Variants in COG6 observed in about 807,000 individuals in gnomAD.
COG6 encodes the protein component of oligomeric golgi complex 6, also known as conserved oligomeric Golgi complex subunit 6.
Under a neutral mutation model 88.8 loss-of-function variants are expected in COG6, and 74 were observed. The ratio of observed to expected loss-of-function variants is 0.83; its 90% CI spans 0.69 to 1.01. The LOEUF is 1.01. Ranked by LOEUF, COG6 falls within the 50% of genes least tolerant of loss-of-function variation. COG6 has a pLI of 0.00. For missense variants in COG6, 800 were observed against 797.9 expected (o/e 1.00, Z -0.03); for synonymous variants, 286 against 278.7 (o/e 1.03, Z -0.26).
intron 18 of COG6, among the ~76,000 whole-genome samples, chr13:39,736,634 T>C (rs772436826): frequency 4.5e-4 from 69 of 152,144 alleles, no homozygotes; most frequent in Non-Finnish European, 1.3e-4. Flanking sequence ...GAGGTTACGG[T>C]GAGCCGAGAT....
chr13:39,719,281 C>T lies in COG6; in HGVS notation c.1330C>T (p.Gln444Ter). The T allele has an allele frequency of 6.2e-7, 1 of 1,612,824 alleles. No individual in the cohort carries two copies. Among genetic ancestry groups the T allele is most frequent in the Non-Finnish European group, 8.5e-7 (1 of 1,179,162 alleles). ...PDLGPSSALN[Q>*]TLMLLREVLA... ...TCTTGGACCAAGTTCTGCACTAAAT[C>T]AGACACTCATGTTGCTGCGTGAAGT... Residue 444 changes from glutamine to a stop codon, truncating the protein, a stop_gained, in exon 14 of 19, where the codon CAG (glutamine) becomes TAG (stop). Coordinates refer to ENST00000455146, the MANE Select transcript of COG6 (RefSeq NM_020751.3). LOFTEE classifies it high-confidence loss of function.
intron 4 of COG6, 49 bp from the exon 5 acceptor site, chr13:39,677,419 G>A: frequency 9.9e-7 from 1 of 1,013,066 alleles, no homozygotes; most frequent in East Asian, 2.4e-5. Flanking sequence ...TTAAAGCTAT[G>A]CAACTGTGTA....
intron 10 of COG6, among the ~76,000 whole-genome samples, 183 bp downstream of exon 10, chr13:39,687,982 A>G (rs993118649): frequency 3.3e-5 from 5 of 152,024 alleles, no homozygotes; most frequent in Admixed American, 6.5e-5. Context: ...CTCTTCCATC[A>G]CCTTTGTCCT....
At position 39,719,225 on chromosome 13, in the gene COG6, T is replaced by C; in HGVS notation, c.1285-11T>C. On this transcript the variant is annotated splice_polypyrimidine_tract_variant and intron_variant, in intron 13 of 18. Transcript: ENST00000455146. The stretch of plus-strand genomic sequence containing the variant: ...AAATATAAGGAGTGGGTAAATCATC[T>C]CTTGTTTTAGGTTGAACTCCCACCA... The C allele has an allele frequency of 6.2e-7, 1 of 1,611,886 alleles. No individual in the cohort carries two copies. The highest frequency in any genetic ancestry group is 8.5e-7 in the Non-Finnish European group (1 of 1,178,456).
chr13:39,719,780 G>A lies in COG6; in HGVS notation c.1537G>A (p.Ala513Thr). 2 of 1,612,674 alleles carry A rather than the reference G, an allele frequency of 1.2e-6. No homozygotes were observed. Among genetic ancestry groups the A allele is most frequent in the South Asian group, 2.2e-5 (2 of 91,040 alleles). The change falls in exon 15 of 19, where the codon GCT (alanine) becomes ACT (threonine). Residue 513 changes from alanine (A) to threonine (T), a missense_variant. Ala to Thr is a moderately conservative substitution (Grantham distance 58, BLOSUM62 0). Transcript: ENST00000455146. ...NSLYMMKTTL[A>T]LFEFTDRRLE... The stretch of plus-strand genomic sequence containing the variant: ...ACTATATATGATGAAGACAACATTA[G>A]CTCTATTTGAATTCACTGACAGACG...
Position 39,752,453 on chromosome 13 carries a change from G to GC in COG6, c.*1360_*1361insC. 1.9e-6 allele frequency: 2 copies of GC among 1,068,392 alleles called. No individual in the cohort carries two copies. The highest frequency in any genetic ancestry group is 3.3e-5 in the African/African-American group (2 of 60,076). The allele number at this position is 1,068,392 out of a possible 1,614,324, so 66.2% of individuals were successfully genotyped here. A position where few individuals can be genotyped will look rare whatever the true frequency, so the allele number is the denominator to read the frequency against. On this transcript the variant is annotated 3_prime_UTR_variant, in exon 19 of 19. Transcript: ENST00000455146. Reference sequence around the variant, plus strand: ...ATTTTTAGTTTTTTCCCTTTGATTAGTATGTGTTACATATAAAGACAGAAA... The same window carrying GC: ...ATTTTTAGTTTTTTCCCTTTGATTAGCTATGTGTTACATATAAAGACAGAAA...
At chr13:39,716,253 A>C (rs1203952142) in intron 13 of COG6, among the ~76,000 whole-genome samples, 3 of 151,922 alleles carry the variant, frequency 2.0e-5, no homozygotes, top group African/African-American at 7.3e-5. Context: ...TTTTATTTCT[A>C]GTAATTTTGT....
intron 13 of COG6, among the ~76,000 whole-genome samples, chr13:39,706,354 A>G (rs1326823157): frequency 1.3e-5 from 2 of 148,420 alleles, no homozygotes; most frequent in Non-Finnish European, 3.0e-5. Flanking sequence ...GCTAGTCTTT[A>G]TTTTTTGAAA....
In COG6 at chr13:39,656,370, C is replaced by T. The variant is rs1027640123; in HGVS notation, c.153+491C>T. 7 of 344,454 alleles carry T rather than the reference C, an allele frequency of 2.0e-5. 1 individual carries two copies. The highest frequency in any genetic ancestry group is 6.8e-5 in the South Asian group (3 of 44,010). The allele number at this position is 344,454 out of a possible 1,614,324, so 21.3% of individuals were successfully genotyped here. On this transcript the variant is annotated intron_variant, in intron 1 of 18. Coordinates refer to ENST00000455146, the MANE Select transcript of COG6 (RefSeq NM_020751.3). ...TGACAACAATTGCAATAATTTGCAGCGCGAAAGAACTACCTTTGCCCGTGG... is the reference window on the plus strand; with the variant it reads ...TGACAACAATTGCAATAATTTGCAGTGCGAAAGAACTACCTTTGCCCGTGG...
chr13:39,656,043 C>A, intron 1 of COG6, 164 bp downstream of exon 1: 1 of 912,698 alleles, frequency 1.1e-6, no homozygotes, highest in Non-Finnish European at 1.8e-6. Context: ...GCGCCGGGGG[C>A]GGTGAGAAGG....
intron 13 of COG6, 148 bp from the exon 14 acceptor site, chr13:39,719,088 C>A (rs1791491670): frequency 6.8e-6 from 5 of 738,378 alleles, no homozygotes; most frequent in East Asian, 5.7e-5. Context: ...TAATATAGTT[C>A]AAAGTAAGCT....
At chr13:39,724,585 A>C (rs751765967) in intron 17 of COG6, 24 bp downstream of exon 17, 2 of 1,538,204 alleles carry the variant, frequency 1.3e-6, no homozygotes, top group Non-Finnish European at 1.8e-6. Context: ...AAAACATTTT[A>C]ATTTAGATTT....
intron 7 of COG6, 48 bp downstream of exon 7, chr13:39,680,093 GT>G (rs773992564): frequency 4.4e-6 from 5 of 1,141,954 alleles, no homozygotes; most frequent in African/African-American, 1.5e-5. Flanking sequence ...ATTTGTAGTT[GT>G]TTTTTAAAAT....
chr13:39,655,790 A>T lies in COG6; in HGVS notation c.64A>T (p.Asn22Tyr). 1 of 1,598,700 alleles carries T rather than the reference A, an allele frequency of 6.3e-7. No individual in the cohort carries two copies. The highest frequency in any genetic ancestry group is 8.5e-7 in the Non-Finnish European group (1 of 1,173,078). The change falls in exon 1 of 19, where the codon AAT (asparagine) becomes TAT (tyrosine). Residue 22 changes from asparagine (N) to tyrosine (Y), a missense_variant. Asn to Tyr is a moderately radical substitution (Grantham distance 143). Coordinates refer to ENST00000455146, the MANE Select transcript of COG6 (RefSeq NM_020751.3). Reference protein sequence around the residue: ...SATGAANGLNNGAGGTSATTC... With the variant: ...SATGAANGLNYGAGGTSATTC... ...GACCGGGGCTGCCAACGGCCTCAAC[A>T]ATGGGGCAGGCGGGACCTCGGCGAC...
chr13:39,691,239 A>C (rs1876962446), intron 11 of COG6, among the ~76,000 whole-genome samples: 1 of 151,898 alleles, frequency 6.6e-6, no homozygotes, highest in Non-Finnish European at 1.5e-5. Flanking sequence ...AGTAAGAATT[A>C]TTATATTAAA....
chr13:39,774,388 G>T (rs926421404), intron 18 of COG6, among the ~76,000 whole-genome samples: 2 of 152,006 alleles, frequency 1.3e-5, no homozygotes, highest in Non-Finnish European at 2.9e-5. Context: ...TTTAGTATTT[G>T]TTACAACTGA....
At chr13:39,673,172 A>G (rs1290424132) in intron 4 of COG6, among the ~76,000 whole-genome samples, 1 of 151,896 alleles carries the variant, frequency 6.6e-6, no homozygotes, top group Admixed American at 6.6e-5. Context: ...ATTTTCTCCC[A>G]TTTTTTGGGT....
chr13:39,655,722 G>T lies in COG6; in HGVS notation c.-5G>T. 1 of 1,589,962 alleles carries T rather than the reference G, an allele frequency of 6.3e-7. No individual in the cohort carries two copies. The stretch of plus-strand genomic sequence containing the variant: ...GTGGCAGCAGGGGGCGGGACGCGCA[G>T]CGCTATGGCAGAGGGCAGCGGGGAA... On this transcript the variant is annotated 5_prime_UTR_variant, in exon 1 of 19. Coordinates refer to ENST00000455146, the MANE Select transcript of COG6 (RefSeq NM_020751.3).
chr13:39,753,543 C>A (rs1880735310), downstream of COG6, among the ~76,000 whole-genome samples: 1 of 152,082 alleles, frequency 6.6e-6, no homozygotes, highest in Non-Finnish European at 1.5e-5. Context: ...CATAATTCAC[C>A]AAGAATAGAA....
Sources: gnomAD v4.1 joint callset for allele counts (sites outside exome capture counted in the v4.1 genomes callset) on GRCh38, gnomAD v4.1.1 for gene constraint, MANE v1.5 for transcripts, NCBI Gene and HGNC (gene_info 2026-07-23, HGNC 2026-07-21) for gene names.